Variants in ITGA6 observed in about 807,000 individuals in gnomAD.
ITGA6 encodes integrin alpha-6.
Under a neutral mutation model 133.6 loss-of-function variants are expected in ITGA6, and 63 were observed. The ratio of observed to expected loss-of-function variants is 0.47; its 90% CI spans 0.38 to 0.58. The LOEUF is 0.58. ITGA6 is among the 20% of genes least tolerant of loss of function. ITGA6 has a pLI of 0.00. For missense variants in ITGA6, 1,068 were observed against 1,309.4 expected (o/e 0.82, Z 2.85); for synonymous variants, 434 against 482.0 (o/e 0.90, Z 1.30).
chr2:172,427,766 C>T lies in ITGA6; in HGVS notation c.-23C>T, dbSNP rs1320086559. On this transcript the variant is annotated 5_prime_UTR_variant, in exon 1 of 26. Coordinates refer to ENST00000684293, the MANE Select transcript of ITGA6 (RefSeq NM_000210.4). Reference sequence around the variant, plus strand: ...GCAGGGCGGCCGCTGCAGGTCCCCGCTCCCCTCCCCGTGCGTCCGCCCATG... The same window carrying T: ...GCAGGGCGGCCGCTGCAGGTCCCCGTTCCCCTCCCCGTGCGTCCGCCCATG... The T allele has an allele frequency of 1.3e-6, 2 of 1,566,358 alleles. No homozygotes were observed. The highest frequency in any genetic ancestry group is 2.8e-5 in the African/African-American group (2 of 72,004).
At chr2:172,456,347 C>T (rs1320835909) in intron 1 of ITGA6, among the ~76,000 whole-genome samples, 2 of 152,174 alleles carry the variant, frequency 1.3e-5, no homozygotes, top group Non-Finnish European at 2.9e-5. Context: ...CATACCAGGG[C>T]CAGATGCAGC....
rs187535136 is a variant in ITGA6, at chr2:172,440,302, C to G, written c.182+12332C>G. Among the ~76,000 whole-genome samples the G allele has an allele frequency of 1.4e-3, 209 of 151,982 alleles. 4 individuals are homozygous for G. Among genetic ancestry groups the G allele is most frequent in the Admixed American group, 0.011 (174 of 15,282 alleles). On this transcript the variant is annotated intron_variant, in intron 1 of 25. Transcript: ENST00000684293. ...AGGTATTTGTTGAACTCTTTGATTC[C>G]CCAAATACACTAAAGGCTTTTAGAG...
intron 1 of ITGA6, among the ~76,000 whole-genome samples, chr2:172,430,808 C>T (rs1014854871): frequency 4.6e-5 from 7 of 152,108 alleles, no homozygotes; most frequent in South Asian, 2.1e-4. Context: ...GTTGGTCCGC[C>T]GAGTGACTGA....
At chr2:172,486,926 C>T in intron 13 of ITGA6, 97 bp from the exon 14 acceptor site, 1 of 736,538 alleles carries the variant, frequency 1.4e-6, no homozygotes, top group Non-Finnish European at 2.5e-6. Context: ...AATTGTCACA[C>T]AGGGAAATGA....
intron 5 of ITGA6, among the ~76,000 whole-genome samples, chr2:172,473,783 G>A (rs1157858447): frequency 6.6e-6 from 1 of 152,164 alleles, no homozygotes; most frequent in Non-Finnish European, 1.5e-5. Context: ...TTCTTAAGAT[G>A]TATGAATACT....
chr2:172,488,212 T>C lies in ITGA6; in HGVS notation c.2489T>C (p.Ile830Thr). The change falls in exon 19 of 26, where the codon ATA becomes ACA. Residue 830 changes from isoleucine (I) to threonine (T), a missense_variant. Coordinates refer to ENST00000684293, the MANE Select transcript of ITGA6 (RefSeq NM_000210.4). ...TCTGAAGATGAAGTGGGAAGTTTAA[T>C]AGAGTATGAATTCAGGGTAAGTTGG... ...MKSEDEVGSL[I>T]EYEFRVINLG... 1.9e-6 allele frequency: 3 copies of C among 1,612,746 alleles called. No individual in the cohort carries two copies. Among genetic ancestry groups the C allele is most frequent in the Non-Finnish European group, 2.5e-6 (3 of 1,178,758 alleles).
At chr2:172,439,629 TG>T (rs1345295273) in intron 1 of ITGA6, among the ~76,000 whole-genome samples, 1 of 150,138 alleles carries the variant, frequency 6.7e-6, no homozygotes, top group African/African-American at 2.4e-5. Flanking sequence ...TGCAAGCTTT[TG>T]GTGGTTGCTT....
At chr2:172,448,598 A>C (rs942193570) in intron 1 of ITGA6, among the ~76,000 whole-genome samples, 1 of 152,212 alleles carries the variant, frequency 6.6e-6, no homozygotes, top group East Asian at 1.9e-4. Context: ...CCTCCTTTGA[A>C]AGTAGGCTAT....
intron 1 of ITGA6, among the ~76,000 whole-genome samples, chr2:172,435,612 GTTTCT>G (rs1684285346): frequency 8.8e-6 from 1 of 113,088 alleles, no homozygotes; most frequent in African/African-American, 3.8e-5. Context: ...CAAGAGTTTT[GTTTCT>G]TTTTTTTTTT....
intron 3 of ITGA6, 173 bp from the exon 4 acceptor site, chr2:172,468,952 C>T: frequency 1.5e-6 from 1 of 677,804 alleles, no homozygotes; most frequent in Non-Finnish European, 2.6e-6. Context: ...TAATGGTCTC[C>T]TTAGTGCCAC....
chr2:172,475,790 A>C (rs1686148589), intron 8 of ITGA6, 105 bp downstream of exon 8: 1 of 756,396 alleles, frequency 1.3e-6, no homozygotes. Flanking sequence ...TTTTATTTAC[A>C]AGTCCACAAT....
At chr2:172,439,557 A>C (rs1684458615) in intron 1 of ITGA6, among the ~76,000 whole-genome samples, 1 of 151,830 alleles carries the variant, frequency 6.6e-6, no homozygotes, top group South Asian at 2.1e-4. Flanking sequence ...GGTGGTATAA[A>C]AGCTTCATTA....
intron 1 of ITGA6, among the ~76,000 whole-genome samples, chr2:172,461,234 AGT>A (rs1412011091): frequency 6.6e-6 from 1 of 152,060 alleles, no homozygotes; most frequent in Non-Finnish European, 1.5e-5. Context: ...TTAGTATCTC[AGT>A]GTTTATTTCT....
intron 2 of ITGA6, among the ~76,000 whole-genome samples, chr2:172,466,880 A>C (rs1189611434): frequency 6.6e-6 from 1 of 152,218 alleles, no homozygotes; most frequent in East Asian, 1.9e-4. Flanking sequence ...CAGTGGGTTT[A>C]AATTGATACT....
At chr2:172,467,411 G>T (rs763012100) in intron 2 of ITGA6, 70 bp from the exon 3 acceptor site, 2 of 1,181,334 alleles carry the variant, frequency 1.7e-6, no homozygotes, top group Non-Finnish European at 2.5e-6. Flanking sequence ...ACAGTTGCTT[G>T]TATTTTTGTT....
At chr2:172,458,309 C>T (rs1008581683) in intron 1 of ITGA6, among the ~76,000 whole-genome samples, 17 of 150,480 alleles carry the variant, frequency 1.1e-4, no homozygotes, top group African/African-American at 3.9e-4. Context: ...AGTACAATCT[C>T]GGCTCCTGAA....
intron 1 of ITGA6, among the ~76,000 whole-genome samples, chr2:172,436,340 G>A (rs192521247): frequency 2.0e-5 from 3 of 152,338 alleles, no homozygotes; most frequent in African/African-American, 7.2e-5. Flanking sequence ...TTCAGATACT[G>A]TATCAGATAA....
In ITGA6 at chr2:172,491,054, A is replaced by G; in HGVS notation, c.2710A>G (p.Ile904Val). 1.3e-6 allele frequency: 2 copies of G among 1,587,252 alleles called. No homozygotes were observed. Among genetic ancestry groups the G allele is most frequent in the Non-Finnish European group, 1.7e-6 (2 of 1,156,022 alleles). The change falls in exon 21 of 26, where the codon ATT becomes GTT. Residue 904 changes from isoleucine (I) to valine (V), a missense_variant. Physicochemically the swap from Ile to Val is conservative, Grantham distance 29. Transcript: ENST00000684293. The surrounding 1 kb of genome is among the most constrained non-coding windows in gnomAD (Gnocchi z 4.4). ...ESHNSRKKRE[I>V]TEKQIDDNRK... ...TCACAACTCAAGAAAGAAACGGGAA[A>G]TTACTGAAAAACAGATAGATGATAA...
intron 1 of ITGA6, among the ~76,000 whole-genome samples, chr2:172,453,238 A>T (rs1685079456): frequency 6.6e-6 from 1 of 152,040 alleles, no homozygotes. Flanking sequence ...TTTAAATCAC[A>T]GTACAGGGCT....
Sources: allele counts gnomAD v4.1 joint callset (sites outside exome capture counted in the v4.1 genomes callset), GRCh38; gene constraint gnomAD v4.1.1; non-coding constraint Gnocchi (gnomAD v3.1); transcripts MANE v1.5; gene names NCBI Gene and HGNC (gene_info 2026-07-23, HGNC 2026-07-21).